The following PALM2AKAP2 variants were observed in gnomAD, a reference collection of about 807,000 sequenced individuals.
The protein encoded by PALM2AKAP2 is PALM2-AKAP2 fusion protein.
A neutral mutation model predicts 71.5 loss-of-function variants in PALM2AKAP2; 37 were observed. The observed-to-expected ratio is 0.52, with a 90% confidence interval of 0.40 to 0.68. PALM2AKAP2 has a LOEUF of 0.68. PALM2AKAP2 is among the 30% of genes least tolerant of loss of function. The pLI is 0.00. For missense variants in PALM2AKAP2, 1,224 were observed against 1,191.8 expected, an observed-to-expected ratio of 1.03 and a Z score of -0.40; for synonymous variants, 468 against 478.8, an observed-to-expected ratio of 0.98 and a Z score of 0.29.
intron 1 of PALM2AKAP2, among the ~76,000 whole-genome samples, chr9:109,692,050 TC>T: frequency 6.7e-6 from 1 of 149,342 alleles, no homozygotes; most frequent in African/African-American, 2.4e-5. Flanking sequence ...GTTAAATTTA[TC>T]TCTAAGTATT....
At chr9:110,026,081 A>T (rs1017704403) in intron 7 of PALM2AKAP2, among the ~76,000 whole-genome samples, 1 of 150,914 alleles carries the variant, frequency 6.6e-6, no homozygotes, top group Admixed American at 6.6e-5. Flanking sequence ...TCACTCTTTT[A>T]TTTATTTCTT....
chr9:109,884,605 A>G (rs931423875), intron 3 of PALM2AKAP2, among the ~76,000 whole-genome samples: 5 of 152,254 alleles, frequency 3.3e-5, no homozygotes, highest in Non-Finnish European at 7.3e-5. Context: ...CTTGAAAACT[A>G]TAAGATCAGA....
At chr9:110,131,850 G>A (rs1478150683) in intron 1 of PALM2AKAP2, among the ~76,000 whole-genome samples, 1 of 152,110 alleles carries the variant, frequency 6.6e-6, no homozygotes, top group East Asian at 1.9e-4. Flanking sequence ...GGAATTGAGT[G>A]TCATGAAGAA....
At chr9:110,133,834 A>G (rs1220603238) in intron 1 of PALM2AKAP2, among the ~76,000 whole-genome samples, 1 of 152,186 alleles carries the variant, frequency 6.6e-6, no homozygotes, top group Non-Finnish European at 1.5e-5. Context: ...TCTTATTTCA[A>G]TAATAATTTT....
At chr9:109,995,817 T>C (rs1019021463) in intron 6 of PALM2AKAP2, among the ~76,000 whole-genome samples, 2 of 152,168 alleles carry the variant, frequency 1.3e-5, no homozygotes, top group Non-Finnish European at 2.9e-5. Flanking sequence ...GCTACATTTC[T>C]GAAAAATAAT....
At chr9:109,673,343 C>T (rs1827603536) in intron 1 of PALM2AKAP2, among the ~76,000 whole-genome samples, 1 of 152,032 alleles carries the variant, frequency 6.6e-6, no homozygotes, top group Admixed American at 6.6e-5. Flanking sequence ...TTGACTACTG[C>T]CTTAATTTCA....
chr9:109,688,204 C>G (rs1827829622), intron 1 of PALM2AKAP2, among the ~76,000 whole-genome samples: 1 of 152,188 alleles, frequency 6.6e-6, no homozygotes, highest in African/African-American at 2.4e-5. Context: ...AAGAATGGTG[C>G]TGATAGATTT....
intron 6 of PALM2AKAP2, among the ~76,000 whole-genome samples, chr9:110,008,367 G>A (rs1328145176): frequency 6.6e-6 from 1 of 151,892 alleles, no homozygotes; most frequent in Non-Finnish European, 1.5e-5. Context: ...TAAAGTATGA[G>A]CCATTCAAGA....
intron 1 of PALM2AKAP2, among the ~76,000 whole-genome samples, chr9:109,750,610 G>C (rs10980023): frequency 7.1e-6 from 1 of 139,868 alleles, no homozygotes; most frequent in African/African-American, 2.7e-5. Flanking sequence ...GTATGTGTGT[G>C]TGTCTGTGTG....
chr9:109,792,246 G>A (rs1388523460), intron 1 of PALM2AKAP2, among the ~76,000 whole-genome samples: 1 of 151,934 alleles, frequency 6.6e-6, no homozygotes, highest in Non-Finnish European at 1.5e-5. Flanking sequence ...AAAACTACAA[G>A]CACTCTTTAA....
At chr9:109,808,485 G>T (rs1056964751) in intron 1 of PALM2AKAP2, among the ~76,000 whole-genome samples, 1 of 152,330 alleles carries the variant, frequency 6.6e-6, no homozygotes, top group African/African-American at 2.4e-5. Flanking sequence ...TGTTAAAGAG[G>T]TGACTTGGGT....
intron 6 of PALM2AKAP2, among the ~76,000 whole-genome samples, chr9:109,963,213 G>T (rs1410336835): frequency 6.6e-6 from 1 of 152,196 alleles, no homozygotes; most frequent in African/African-American, 2.4e-5. Flanking sequence ...AGCTTGGGCT[G>T]GTTGTCTGAT....
Position 110,033,242 on chromosome 9 carries a change from A to C in PALM2AKAP2, c.582+17203A>C, listed in dbSNP as rs553114260. Among the ~76,000 whole-genome samples, 3 of 152,366 alleles carry C rather than the reference A, an allele frequency of 2.0e-5. No individual in the cohort carries two copies. The South Asian group carries it at 6.2e-4, about 32-fold the overall frequency. ...GTGACACAGGAAAATCCCTTTTAAG[A>C]GAAATGGTATTGCAAAAGACACAGC... is the stretch of plus-strand genomic sequence containing the variant. On this transcript the variant is annotated intron_variant, in intron 7 of 9. Transcript: ENST00000302798.
intron 1 of PALM2AKAP2, among the ~76,000 whole-genome samples, chr9:110,072,448 C>T (rs994338152): frequency 6.6e-6 from 1 of 152,112 alleles, no homozygotes; most frequent in African/African-American, 2.4e-5. Context: ...TAGAATTTGC[C>T]TATAGTGTCA....
At chr9:109,944,957 G>A (rs1454701225) in intron 6 of PALM2AKAP2, 1 of 152,096 alleles carries the variant, frequency 6.6e-6, no homozygotes, top group Non-Finnish European at 1.5e-5. Context: ...ATGTCCCACA[G>A]TATATAGTTT....
intron 6 of PALM2AKAP2, among the ~76,000 whole-genome samples, chr9:109,947,615 G>C (rs1831539283): frequency 6.6e-6 from 1 of 152,176 alleles, no homozygotes; most frequent in South Asian, 2.1e-4. Flanking sequence ...GATGGACATA[G>C]ACAGAATAAG....
chr9:110,082,917 G>C (rs914558530), intron 1 of PALM2AKAP2, among the ~76,000 whole-genome samples: 1 of 152,166 alleles, frequency 6.6e-6, no homozygotes, highest in Admixed American at 6.5e-5. Flanking sequence ...TGAGGTGGGC[G>C]GATCACCTGA....
In PALM2AKAP2 at chr9:109,896,728, T is replaced by G. The variant is rs150439270; in HGVS notation, c.257+16047T>G. On this transcript the variant is annotated intron_variant, in intron 3 of 9. Transcript: ENST00000302798. ...CGGGAGGCTGAGGCGGGAGGATCAC[T>G]TAAGTCCAGGAGTTTGAGTCTGCAG... Among the ~76,000 whole-genome samples, 981 of 152,172 alleles carry G rather than the reference T, an allele frequency of 6.4e-3. 16 individuals carry two copies. The highest frequency in any genetic ancestry group is 0.022 in the African/African-American group (930 of 41,506).
intron 1 of PALM2AKAP2, among the ~76,000 whole-genome samples, chr9:110,054,340 G>C (rs1397450312): frequency 6.6e-6 from 1 of 152,058 alleles, no homozygotes; most frequent in African/African-American, 2.4e-5. Context: ...CAGAGGTTGC[G>C]GTGGGCCGAC....
Sources: gnomAD v4.1 joint callset for allele counts (sites outside exome capture counted in the v4.1 genomes callset) on GRCh38, gnomAD v4.1.1 for gene constraint, MANE v1.5 for transcripts, NCBI Gene and HGNC (gene_info 2026-07-23, HGNC 2026-07-21) for gene names.